COL28A1: variants seen among roughly 807,000 people sequenced by gnomAD.
COL28A1 encodes the protein collagen type XXVIII alpha 1 chain, also known as collagen alpha-1(XXVIII) chain.
Under a neutral mutation model 150.2 loss-of-function variants are expected in COL28A1, and 161 were observed. That is an observed-to-expected ratio of 1.07 (90% CI 0.94 to 1.22). The LOEUF is 1.22. COL28A1 is among the 50% of genes most tolerant of loss of function. The pLI, the probability that COL28A1 is intolerant of heterozygous loss-of-function variation, is 0.00. For synonymous variants in COL28A1, 552 were observed against 469.7 expected (o/e 1.18, Z -2.26); for missense variants, 1,617 against 1,388.3 (o/e 1.16, Z -2.62).
At chr7:7,448,957 C>A (rs10236946) in intron 18 of COL28A1, among the ~76,000 whole-genome samples, 32,033 of 151,856 alleles carry the variant, frequency 0.21, 4,612 homozygotes, top group African/African-American at 0.41. Flanking sequence ...TGTGGGAAGC[C>A]TATTAGTGAA....
chr7:7,444,850 C>G (rs1026929749), intron 18 of COL28A1, among the ~76,000 whole-genome samples: 1 of 152,096 alleles, frequency 6.6e-6, no homozygotes, highest in African/African-American at 2.4e-5. Context: ...TGTGTCCCCA[C>G]CCAAATCTTA....
At chr7:7,356,034 G>A (rs1216530510), downstream of COL28A1, among the ~76,000 whole-genome samples, 6 of 152,160 alleles carry the variant, frequency 3.9e-5, no homozygotes, top group Admixed American at 3.9e-4. Context: ...CAATAATCTA[G>A]TGAGTTGTAG....
At chr7:7,504,911 A>T (rs1171763549) in intron 11 of COL28A1, among the ~76,000 whole-genome samples, 1 of 152,148 alleles carries the variant, frequency 6.6e-6, no homozygotes, top group Non-Finnish European at 1.5e-5. Context: ...CAAAATATAT[A>T]TTTTTTTCTT....
intron 9 of COL28A1, among the ~76,000 whole-genome samples, chr7:7,509,332 A>T (rs1034940722): frequency 1.3e-5 from 2 of 152,186 alleles, no homozygotes; most frequent in Non-Finnish European, 2.9e-5. Context: ...TATGTTGCCC[A>T]GGCTGGTCTC....
At position 7,373,129 on chromosome 7, in the gene COL28A1, T is replaced by A. The variant is rs753546944; in HGVS notation, c.2777A>T (p.Asn926Ile). 10 of 1,614,106 alleles carry A rather than the reference T, an allele frequency of 6.2e-6. No homozygotes were observed. The highest frequency in any genetic ancestry group is 8.5e-6 in the Non-Finnish European group (10 of 1,180,032). The change falls in exon 32 of 35, where the codon AAT becomes ATT. Residue 926 changes from asparagine (N) to isoleucine (I), a missense_variant. Physicochemically the swap from Asn to Ile is moderately radical, Grantham distance 149. Coordinates refer to ENST00000399429, the MANE Select transcript of COL28A1 (RefSeq NM_001037763.3). The surrounding 1 kb of genome is among the most constrained non-coding windows in gnomAD (Gnocchi z 4.1). ...TEVVKNASDT[N>I]VEIFVIGVVK... Reference sequence around the variant, plus strand: ...CACCCCTATCACAAATATCTCCACATTGGTGTCACTGGCATTCTTCACCAC... The same window carrying A: ...CACCCCTATCACAAATATCTCCACAATGGTGTCACTGGCATTCTTCACCAC...
At chr7:7,432,429 G>A in intron 25 of COL28A1, 44 bp downstream of exon 25, 1 of 1,528,202 alleles carries the variant, frequency 6.5e-7, no homozygotes, top group South Asian at 1.1e-5. Context: ...CTACCTATAG[G>A]TGCACTCTTA....
intron 15 of COL28A1, among the ~76,000 whole-genome samples, chr7:7,461,405 C>T (rs1018284231): frequency 2.0e-5 from 3 of 152,252 alleles, no homozygotes; most frequent in Non-Finnish European, 2.9e-5. Flanking sequence ...CAGGAAAGGG[C>T]GTGAATCCAG....
chr7:7,377,289 C>T (rs533129808), intron 30 of COL28A1, among the ~76,000 whole-genome samples: 5 of 152,124 alleles, frequency 3.3e-5, no homozygotes, highest in Non-Finnish European at 7.4e-5. Context: ...GAGTTCATTC[C>T]TTCCACTGAA....
At chr7:7,420,600 T>C (rs967028860) in intron 25 of COL28A1, among the ~76,000 whole-genome samples, 1 of 152,278 alleles carries the variant, frequency 6.6e-6, no homozygotes, top group African/African-American at 2.4e-5. Flanking sequence ...ATATGTTATT[T>C]GATATAATTT....
At chr7:7,504,318 G>A (rs925063797) in intron 11 of COL28A1, among the ~76,000 whole-genome samples, 4 of 151,930 alleles carry the variant, frequency 2.6e-5, no homozygotes, top group Admixed American at 6.6e-5. Flanking sequence ...GCAACAAAGC[G>A]AGAGCCCATC....
At chr7:7,345,165 CAAAAT>C in the COL28A1 span, among the ~76,000 whole-genome samples, 3 of 151,454 alleles carry the variant, frequency 2.0e-5, no homozygotes, top group Admixed American at 6.6e-5. Context: ...CTAGAAACAG[CAAAAT>C]AAAATAAAAT....
chr7:7,472,111 C>G (rs755278839), intron 15 of COL28A1, among the ~76,000 whole-genome samples: 5 of 152,124 alleles, frequency 3.3e-5, no homozygotes, highest in Non-Finnish European at 7.4e-5. Context: ...AGAACTGGAA[C>G]AAGACAAGGA....
In COL28A1 at chr7:7,360,507, C is replaced by T; in HGVS notation, c.3088G>A (p.Asp1030Asn). The change falls in exon 34 of 35, where the codon GAT (aspartate) becomes AAT (asparagine). Residue 1030 changes from aspartate (D) to asparagine (N), a missense_variant. Coordinates refer to ENST00000399429, the MANE Select transcript of COL28A1 (RefSeq NM_001037763.3). The part of the protein sequence containing the change: ...SESLSVTRDQ[D>N]EDDKAPEPTW... ...GGCTCTGGAGCCTTATCATCTTCAT[C>T]CTGGTCTCTGGTGACACTCAACTAC... 9 of 1,604,776 alleles carry T rather than the reference C, an allele frequency of 5.6e-6. No homozygotes were observed. Among genetic ancestry groups the T allele is most frequent in the Non-Finnish European group, 6.8e-6 (8 of 1,177,392 alleles).
At chr7:7,499,120 C>T (rs1056994395) in intron 11 of COL28A1, among the ~76,000 whole-genome samples, 3 of 152,054 alleles carry the variant, frequency 2.0e-5, no homozygotes, top group Non-Finnish European at 4.4e-5. Flanking sequence ...GCATGTAGGT[C>T]AAAGCCTTTT....
intron 27 of COL28A1, among the ~76,000 whole-genome samples, 194 bp from the exon 28 acceptor site, chr7:7,381,806 G>C (rs1167821694): frequency 6.6e-6 from 1 of 152,126 alleles, no homozygotes; most frequent in East Asian, 1.9e-4. Flanking sequence ...TTGCTAGTAA[G>C]TGTTTAACAA....
In COL28A1 at chr7:7,456,214, C is replaced by T. The variant is rs1221545529; in HGVS notation, c.1303-102G>A. 1.7e-5 allele frequency: 23 copies of T among 1,380,754 alleles called. No individual in the cohort carries two copies. The East Asian group carries it at 5.5e-4, about 33-fold the overall frequency. 85.5% of individuals were successfully genotyped at this position (1,380,754 alleles called of 1,614,324 possible). A position where few individuals can be genotyped will look rare whatever the true frequency, so the allele number is the denominator to read the frequency against. On this transcript the variant is annotated intron_variant, in intron 15 of 34. Coordinates refer to ENST00000399429, the MANE Select transcript of COL28A1 (RefSeq NM_001037763.3). ...GGCTGTGTTAAAATCTATCTTTATA[C>T]TATAAAAAAAATTCAACATGGAAAA...
At chr7:7,359,150 GA>G (rs935224836) in intron 34 of COL28A1, among the ~76,000 whole-genome samples, 1 of 152,064 alleles carries the variant, frequency 6.6e-6, no homozygotes, top group African/African-American at 2.4e-5. Flanking sequence ...ATTTACACTG[GA>G]TTTGATTTAC....
intron 1 of COL28A1, among the ~76,000 whole-genome samples, chr7:7,533,948 G>C (rs1028460241): frequency 1.3e-5 from 2 of 152,130 alleles, no homozygotes; most frequent in Admixed American, 6.6e-5. Context: ...TCCTTCTTTG[G>C]CACCTTGCCT....
intron 28 of COL28A1, among the ~76,000 whole-genome samples, chr7:7,381,264 A>G (rs2128289019): frequency 6.6e-6 from 1 of 152,306 alleles, no homozygotes; most frequent in African/African-American, 2.4e-5. Context: ...ATTTTTTTAA[A>G]CATAGAGATG....
Sources: allele counts gnomAD v4.1 joint callset (sites outside exome capture counted in the v4.1 genomes callset), GRCh38; gene constraint gnomAD v4.1.1; non-coding constraint Gnocchi (gnomAD v3.1); transcripts MANE v1.5; gene names NCBI Gene and HGNC (gene_info 2026-07-23, HGNC 2026-07-21).